ASB3: variants seen among roughly 807,000 people sequenced by gnomAD.
The protein encoded by ASB3 is ankyrin repeat and SOCS box containing 3.
Under a neutral mutation model 54.5 loss-of-function variants are expected in ASB3, and 41 were observed. The ratio of observed to expected loss-of-function variants is 0.75; its 90% confidence interval spans 0.59 to 0.98. The LOEUF (loss-of-function observed/expected upper bound fraction) is 0.98, where lower values mean the gene tolerates loss of function less well. Among genes scored for constraint, ASB3 ranks in the 50% least tolerant of loss-of-function variants. The pLI, the probability that ASB3 is intolerant of heterozygous loss-of-function variation, is 0.00. For missense variants in ASB3, 733 were observed against 620.0 expected, an observed-to-expected ratio of 1.18 and a Z score of -1.94; for synonymous variants, 266 against 221.2, an observed-to-expected ratio of 1.20 and a Z score of -1.80.
At position 53,773,326 on chromosome 2, in the gene ASB3, G is replaced by GATATTGCAAGATA. The variant is rs1558575417; in HGVS notation, c.-13-7742_-13-7741insTATCTTGCAATAT. On this transcript the variant is annotated intron_variant, in intron 1 of 9. Transcript: ENST00000263634. ...AGATAAAATATCTTGCTGTGCCTAT[G>GATATTGCAAGATA]ATACAAAGAAATTATTCACAATGGA... Among the ~76,000 whole-genome samples the GATATTGCAAGATA allele has an allele frequency of 6.8e-3, 1,033 of 152,206 alleles. 12 individuals are homozygous for GATATTGCAAGATA. Among genetic ancestry groups the GATATTGCAAGATA allele is most frequent in the African/African-American group, 0.023 (961 of 41,512 alleles).
chr2:53,670,932 C>T (rs1285830294), intron 9 of ASB3, among the ~76,000 whole-genome samples: 1 of 152,180 alleles, frequency 6.6e-6, no homozygotes, highest in Non-Finnish European at 1.5e-5. Context: ...GGGCCGCAAA[C>T]ACTAAATGCT....
At chr2:53,743,521 T>C (rs1334025094) in intron 3 of ASB3, among the ~76,000 whole-genome samples, 1 of 152,140 alleles carries the variant, frequency 6.6e-6, no homozygotes, top group Non-Finnish European at 1.5e-5. Flanking sequence ...AAAATGTTAT[T>C]CCCACTAACA....
At chr2:53,671,602 A>C (rs956881942) in intron 9 of ASB3, among the ~76,000 whole-genome samples, 1 of 152,090 alleles carries the variant, frequency 6.6e-6, no homozygotes, top group Non-Finnish European at 1.5e-5. Flanking sequence ...TCTACTAAAA[A>C]TACAAAATTA....
At chr2:53,735,815 ACTG>A (rs1300574146) in intron 3 of ASB3, among the ~76,000 whole-genome samples, 1 of 152,120 alleles carries the variant, frequency 6.6e-6, no homozygotes. Context: ...TAATAAAACA[ACTG>A]AAACTGCAGA....
chr2:53,703,467 G>C (rs1026698289), intron 7 of ASB3, among the ~76,000 whole-genome samples: 3 of 152,138 alleles, frequency 2.0e-5, no homozygotes, highest in South Asian at 2.1e-4. Flanking sequence ...ATAAGGAAGA[G>C]AAAACTTAAA....
At chr2:53,738,379 G>A (rs902074749) in intron 3 of ASB3, among the ~76,000 whole-genome samples, 1 of 152,128 alleles carries the variant, frequency 6.6e-6, no homozygotes, top group Non-Finnish European at 1.5e-5. Flanking sequence ...TTGCTCTCTA[G>A]AACTGTTCTC....
chr2:53,672,782 A>C (rs1477040844), intron 9 of ASB3, among the ~76,000 whole-genome samples: 1 of 152,228 alleles, frequency 6.6e-6, no homozygotes, highest in African/African-American at 2.4e-5. Context: ...AAACAAGGTG[A>C]GTGCATAATC....
chr2:53,785,918 G>A (rs1246347943), intron 1 of ASB3, among the ~76,000 whole-genome samples: 1 of 152,190 alleles, frequency 6.6e-6, no homozygotes, highest in African/African-American at 2.4e-5. Context: ...AATATAATTA[G>A]CGAATAACAA....
intron 5 of ASB3, among the ~76,000 whole-genome samples, chr2:53,723,690 A>T (rs1670837361): frequency 6.6e-6 from 1 of 152,238 alleles, no homozygotes; most frequent in African/African-American, 2.4e-5. Flanking sequence ...ACTCTACTTT[A>T]AGGCTACAGT....
intron 9 of ASB3, among the ~76,000 whole-genome samples, chr2:53,688,644 G>A (rs566419329): frequency 6.6e-6 from 1 of 152,266 alleles, no homozygotes; most frequent in East Asian, 1.9e-4. Context: ...CTTCTCCATA[G>A]CTAGAAAGTG....
chr2:53,739,332 G>T (rs1217144758), intron 3 of ASB3, among the ~76,000 whole-genome samples: 1 of 152,160 alleles, frequency 6.6e-6, no homozygotes. Context: ...AGCCCCATGT[G>T]AAGATTTCAT....
rs1671155236 is a variant in ASB3, at chr2:53,728,965, A to C, written c.469-118T>G. 3.3e-6 allele frequency: 4 copies of C among 1,220,246 alleles called. No individual in the cohort carries two copies. The Admixed American group carries it at 1.1e-4, about 35-fold the overall frequency. 75.6% of individuals were successfully genotyped at this position (1,220,246 alleles called of 1,614,324 possible). A position where few individuals can be genotyped will look rare whatever the true frequency, so the allele number is the denominator to read the frequency against. ...TCTCACTAAAGGATAACTTGAAGGA[A>C]AAAACAAAACAGTATACTGCTGTAT... is the stretch of plus-strand genomic sequence containing the variant. On this transcript the variant is annotated intron_variant, in intron 4 of 9. Transcript: ENST00000263634.
At chr2:53,713,320 A>G (rs984236152) in intron 7 of ASB3, among the ~76,000 whole-genome samples, 6 of 152,250 alleles carry the variant, frequency 3.9e-5, no homozygotes, top group African/African-American at 7.2e-5. Context: ...GAATTCAAGA[A>G]GGCCAATACA....
chr2:53,683,698 A>T (rs1236791748), intron 9 of ASB3, among the ~76,000 whole-genome samples: 1 of 152,052 alleles, frequency 6.6e-6, no homozygotes, highest in Non-Finnish European at 1.5e-5. Context: ...TCATTGTTCA[A>T]TCTTGGAAGA....
intron 5 of ASB3, among the ~76,000 whole-genome samples, chr2:53,723,347 T>A (rs1021176530): frequency 2.0e-5 from 3 of 152,184 alleles, no homozygotes; most frequent in African/African-American, 7.2e-5. Context: ...TTTTTGATTT[T>A]CATAAGTTAT....
At chr2:53,783,427 T>C (rs4671101) in intron 1 of ASB3, among the ~76,000 whole-genome samples, 1,839 of 152,128 alleles carry the variant, frequency 0.012, 49 homozygotes, top group Admixed American at 0.067. Flanking sequence ...AAATTCTGAA[T>C]AGAACAGAGA....
intron 1 of ASB3, chr2:53,786,169 A>T (rs1485015139): frequency 6.6e-6 from 1 of 152,070 alleles, no homozygotes; most frequent in Non-Finnish European, 1.5e-5. Flanking sequence ...CATTTTTTCT[A>T]AAGAGGGGGA....
At chr2:53,781,679 G>C (rs879858723) in intron 1 of ASB3, among the ~76,000 whole-genome samples, 8 of 152,270 alleles carry the variant, frequency 5.3e-5, no homozygotes, top group Admixed American at 3.3e-4. Context: ...ATTTTCAGGA[G>C]AGACAGGGTT....
At chr2:53,726,840 C>T (rs977651312) in intron 5 of ASB3, among the ~76,000 whole-genome samples, 4 of 151,876 alleles carry the variant, frequency 2.6e-5, no homozygotes, top group Admixed American at 1.3e-4. Context: ...CGGACAGGTG[C>T]GTGCCACCAC....
Sources: allele counts gnomAD v4.1 joint callset (sites outside exome capture counted in the v4.1 genomes callset), GRCh38; gene constraint gnomAD v4.1.1; transcripts MANE v1.5; gene names NCBI Gene and HGNC (gene_info 2026-07-23, HGNC 2026-07-21).